The following PIK3C2G variants were observed in gnomAD, a reference collection of about 807,000 sequenced individuals.
PIK3C2G encodes the protein phosphatidylinositol 3-kinase C2 domain-containing subunit gamma.
In PIK3C2G, 168 loss-of-function variants were observed where a neutral mutation model predicts 181.1. That is an observed-to-expected ratio of 0.93 (90% CI 0.82 to 1.05). The LOEUF (loss-of-function observed/expected upper bound fraction) is 1.05, where lower values mean the gene tolerates loss of function less well. PIK3C2G is among the 50% of genes least tolerant of loss of function. The pLI, the probability that PIK3C2G is intolerant of heterozygous loss-of-function variation, is 0.00. For missense variants in PIK3C2G, 1,869 were observed against 1,732.8 expected, an observed-to-expected ratio of 1.08 and a Z score of -1.40; for synonymous variants, 573 against 592.2, an observed-to-expected ratio of 0.97 and a Z score of 0.47.
intron 24 of PIK3C2G, among the ~76,000 whole-genome samples, chr12:18,513,820 T>C (rs1447092354): frequency 6.6e-6 from 1 of 151,786 alleles, no homozygotes; most frequent in Non-Finnish European, 1.5e-5. Context: ...GTGATTTTTT[T>C]TCTGTTGTTT....
chr12:18,662,767 GT>G, the PIK3C2G span, among the ~76,000 whole-genome samples: 1 of 152,064 alleles, frequency 6.6e-6, no homozygotes, highest in South Asian at 2.1e-4. Context: ...AAGTTAAGCT[GT>G]TATAAAATCA....
intron 18 of PIK3C2G, among the ~76,000 whole-genome samples, chr12:18,468,457 C>A (rs1032728561): frequency 6.6e-6 from 1 of 152,030 alleles, no homozygotes; most frequent in Non-Finnish European, 1.5e-5. Context: ...TTCTTGCCTA[C>A]GGAATCATCT....
At chr12:18,347,837 A>G (rs542308071) in intron 11 of PIK3C2G, among the ~76,000 whole-genome samples, 16 of 152,030 alleles carry the variant, frequency 1.1e-4, no homozygotes, top group Non-Finnish European at 2.4e-4. Context: ...GAAAAAAAAA[A>G]TCAATCTTTA....
chr12:18,405,441 A>T (rs1944475662), intron 16 of PIK3C2G, among the ~76,000 whole-genome samples: 1 of 141,038 alleles, frequency 7.1e-6, no homozygotes, highest in Non-Finnish European at 1.6e-5. Flanking sequence ...TGTTGTTGAG[A>T]TGGAGTCTTG....
At chr12:18,493,993 G>A (rs916184954) in intron 20 of PIK3C2G, among the ~76,000 whole-genome samples, 2 of 152,064 alleles carry the variant, frequency 1.3e-5, no homozygotes, top group African/African-American at 4.8e-5. Context: ...CACTACTTAG[G>A]GAAAACAAGC....
In PIK3C2G at chr12:18,346,642, C is replaced by G. The variant is rs1357389373; in HGVS notation, c.1431C>G (p.Gly477=). The change falls in exon 11 of 33, where the codon GGC becomes GGG. Residue 477 remains glycine (G), a splice_region_variant and synonymous_variant. Transcript: ENST00000538779. ...FYQSSETSAK[G]LIEKVTTELS... is the part of the protein sequence containing the mutation. ...TGATCTCTATCTCTTCCTTTCTAGGCTTGATAGAGAAGGTAACAACTGAAC... is the reference window on the plus strand; with the variant it reads ...TGATCTCTATCTCTTCCTTTCTAGGGTTGATAGAGAAGGTAACAACTGAAC... The G allele has an allele frequency of 1.9e-6, 3 of 1,585,744 alleles. No homozygotes were observed. The Admixed American group carries it at 5.2e-5, about 27-fold the overall frequency.
At chr12:18,663,905 A>T in the PIK3C2G span, among the ~76,000 whole-genome samples, 1 of 152,204 alleles carries the variant, frequency 6.6e-6, no homozygotes, top group Non-Finnish European at 1.5e-5. Flanking sequence ...AATAACCAAT[A>T]GCCAAACAAC....
the PIK3C2G span, chr12:18,719,447 G>A: frequency 6.6e-7 from 1 of 1,523,858 alleles, no homozygotes; most frequent in Non-Finnish European, 8.9e-7. Context: ...TATCCCCAAA[G>A]GTCACTTGGT....
At chr12:18,504,307 A>T (rs552995481) in intron 23 of PIK3C2G, among the ~76,000 whole-genome samples, 3 of 152,200 alleles carry the variant, frequency 2.0e-5, no homozygotes, top group Non-Finnish European at 4.4e-5. Context: ...ATTACCTTGA[A>T]GTCTACTTTT....
intron 25 of PIK3C2G, among the ~76,000 whole-genome samples, chr12:18,538,882 G>C (rs1470691522): frequency 6.6e-6 from 1 of 151,836 alleles, no homozygotes; most frequent in Non-Finnish European, 1.5e-5. Flanking sequence ...GAAAATTTAA[G>C]GTTTTATTCC....
chr12:18,531,932 GT>G (rs1792081824), intron 24 of PIK3C2G, among the ~76,000 whole-genome samples: 1 of 151,688 alleles, frequency 6.6e-6, no homozygotes, highest in African/African-American at 2.4e-5. Context: ...GTATCTTGTT[GT>G]TGTTTTTAAG....
At chr12:18,542,565 C>T (rs563790154) in intron 25 of PIK3C2G, among the ~76,000 whole-genome samples, 8 of 151,888 alleles carry the variant, frequency 5.3e-5, no homozygotes, top group Middle Eastern at 3.4e-3. Context: ...CTCCTACCCT[C>T]GCCCCTCAAG....
At chr12:18,528,751 G>A (rs1592500155) in intron 24 of PIK3C2G, among the ~76,000 whole-genome samples, 1 of 152,086 alleles carries the variant, frequency 6.6e-6, no homozygotes. Context: ...CAAACATGTA[G>A]CTCTTCTCAA....
intron 29 of PIK3C2G, among the ~76,000 whole-genome samples, chr12:18,582,007 G>A (rs949195220): frequency 1.3e-5 from 2 of 152,176 alleles, no homozygotes; most frequent in African/African-American, 4.8e-5. Flanking sequence ...AATGAGCTGC[G>A]TCAAATGCTA....
chr12:18,307,526 G>A (rs1038835243), intron 5 of PIK3C2G, among the ~76,000 whole-genome samples: 1 of 151,764 alleles, frequency 6.6e-6, no homozygotes, highest in African/African-American at 2.4e-5. Context: ...ACCTTAAATG[G>A]ATAATTCCTG....
downstream of PIK3C2G, among the ~76,000 whole-genome samples, chr12:18,653,216 G>A (rs911236915): frequency 5.9e-5 from 9 of 152,132 alleles, no homozygotes; most frequent in Middle Eastern, 3.2e-3. Context: ...GTCAGGAGTT[G>A]ATTCCCAGAG....
intron 12 of PIK3C2G, among the ~76,000 whole-genome samples, chr12:18,363,647 C>G (rs1394481657): frequency 6.6e-6 from 1 of 151,952 alleles, no homozygotes; most frequent in African/African-American, 2.4e-5. Context: ...AGAAAATTCC[C>G]CAGCCTACTT....
intron 18 of PIK3C2G, among the ~76,000 whole-genome samples, chr12:18,449,279 ATTAT>A (rs1181592131): frequency 1.3e-5 from 2 of 151,480 alleles, no homozygotes; most frequent in African/African-American, 4.9e-5. Flanking sequence ...TTTTATTTTT[ATTAT>A]TTATTATTTT....
At chr12:18,294,149 G>C in intron 5 of PIK3C2G, 134 bp downstream of exon 5, 2 of 545,350 alleles carry the variant, frequency 3.7e-6, no homozygotes, top group Non-Finnish European at 6.5e-6. Flanking sequence ...TACCCCCTTT[G>C]CAGTGAATTT....
Sources: gnomAD v4.1 joint callset for allele counts (sites outside exome capture counted in the v4.1 genomes callset) on GRCh38, gnomAD v4.1.1 for gene constraint, MANE v1.5 for transcripts, NCBI Gene and HGNC (gene_info 2026-07-23, HGNC 2026-07-21) for gene names.